The following ABCC4 variants were observed in gnomAD, a reference collection of about 807,000 sequenced individuals.
ABCC4 encodes the protein ATP binding cassette subfamily C member 4 (PEL blood group), also known as ATP-binding cassette sub-family C member 4.
In ABCC4, 102 loss-of-function variants were observed where a neutral mutation model predicts 168.5. That is an observed-to-expected ratio of 0.61 (90% confidence interval 0.52 to 0.71). The LOEUF is 0.71. ABCC4 is among the 30% of genes least tolerant of loss of function. The probability of loss-of-function intolerance (pLI) is 0.00; values close to 1 mark genes in which losing one functional copy is unlikely to be tolerated. For synonymous variants in ABCC4, 617 were observed against 590.7 expected (o/e 1.04, Z -0.65); for missense variants, 1,402 against 1,605.8 (o/e 0.87, Z 2.17).
At chr13:95,163,256 G>A (rs1342744963) in intron 17 of ABCC4, 40 bp from the exon 18 acceptor site, 1 of 1,324,736 alleles carries the variant, frequency 7.5e-7, no homozygotes, top group East Asian at 2.3e-5. Flanking sequence ...AGCTATATAT[G>A]AAATTTAGAT....
intron 9 of ABCC4, among the ~76,000 whole-genome samples, chr13:95,189,484 C>T (rs375596484): frequency 7.0e-4 from 107 of 152,232 alleles, no homozygotes; most frequent in African/African-American, 2.4e-3. Context: ...CATTCTGTCC[C>T]TTGGTTTTAA....
intron 19 of ABCC4, among the ~76,000 whole-genome samples, chr13:95,131,270 G>A (rs1208535556): frequency 6.6e-6 from 1 of 152,150 alleles, no homozygotes; most frequent in Admixed American, 6.5e-5. Flanking sequence ...AAGGAAAGGC[G>A]ACAAGAGGGG....
At chr13:95,168,894 C>T (rs1339066026) in intron 14 of ABCC4, among the ~76,000 whole-genome samples, 1 of 152,146 alleles carries the variant, frequency 6.6e-6, no homozygotes, top group Non-Finnish European at 1.5e-5. Flanking sequence ...GTGAATGTGG[C>T]CTTTTTTTTC....
At chr13:95,292,672 T>G (rs548841287) in intron 1 of ABCC4, among the ~76,000 whole-genome samples, 1 of 152,216 alleles carries the variant, frequency 6.6e-6, no homozygotes, top group Non-Finnish European at 1.5e-5. Flanking sequence ...ATTTCCCCAC[T>G]GCCCAGTATC....
chr13:95,112,663 T>A, intron 20 of ABCC4, among the ~76,000 whole-genome samples: 1 of 152,184 alleles, frequency 6.6e-6, no homozygotes, highest in East Asian at 1.9e-4. Context: ...AAGGGTAACA[T>A]CTTGACAAAG....
intron 1 of ABCC4, among the ~76,000 whole-genome samples, chr13:95,284,886 T>C (rs1163289825): frequency 6.6e-6 from 1 of 151,296 alleles, no homozygotes; most frequent in Non-Finnish European, 1.5e-5. Flanking sequence ...TAATATTTAT[T>C]GGTAAGGTAC....
chr13:95,257,392 C>T (rs929143968), intron 1 of ABCC4, among the ~76,000 whole-genome samples: 10 of 152,126 alleles, frequency 6.6e-5, no homozygotes, highest in African/African-American at 2.4e-4. Flanking sequence ...GCACGTAGGC[C>T]GGGCGCAGCA....
At chr13:95,024,203 T>C (rs1392569702) in intron 30 of ABCC4, among the ~76,000 whole-genome samples, 1 of 82,478 alleles carries the variant, frequency 1.2e-5, no homozygotes, top group Non-Finnish European at 2.4e-5. Flanking sequence ...TGAGAGACTG[T>C]CTCAAAAAAA....
chr13:95,275,017 C>T (rs6492774), intron 1 of ABCC4, among the ~76,000 whole-genome samples: 149,996 of 152,164 alleles, frequency 0.99, 73,969 homozygotes, highest in Middle Eastern at 1. Flanking sequence ...GCAGAGGTTG[C>T]AGTGAGCCGA....
intron 8 of ABCC4, among the ~76,000 whole-genome samples, chr13:95,202,758 C>T (rs2038667307): frequency 6.7e-6 from 1 of 148,706 alleles, no homozygotes; most frequent in Non-Finnish European, 1.5e-5. Flanking sequence ...AAGCAATTCT[C>T]GTGCCTTGGC....
At chr13:95,190,204 A>G (rs1406593419) in intron 9 of ABCC4, among the ~76,000 whole-genome samples, 6 of 152,040 alleles carry the variant, frequency 3.9e-5, no homozygotes, top group Admixed American at 2.6e-4. Context: ...TCAGCCAGGC[A>G]TGGTGTGTGC....
intron 26 of ABCC4, among the ~76,000 whole-genome samples, chr13:95,059,903 A>C (rs2033220934): frequency 6.6e-6 from 1 of 152,182 alleles, no homozygotes; most frequent in Non-Finnish European, 1.5e-5. Flanking sequence ...GTAAGTTAGT[A>C]ATTACTAGGT....
chr13:95,021,738 C>T (rs958641695), intron 30 of ABCC4, 56 bp from the exon 31 acceptor site: 24 of 1,240,034 alleles, frequency 1.9e-5, no homozygotes, highest in Non-Finnish European at 2.7e-5. Flanking sequence ...AAAGTCTCCT[C>T]CCTGAAACAA....
At position 95,107,477 on chromosome 13, in the gene ABCC4, G is replaced by A. The variant is rs544930190; in HGVS notation, c.2535+8445C>T. ...ATATTAGTACAATGTACAATCACCA[G>A]TTGTTACAAAGTTTTAATGTAAAGT... is the stretch of plus-strand genomic sequence containing the variant. On this transcript the variant is annotated intron_variant, in intron 20 of 30. Coordinates refer to ENST00000645237, the MANE Select transcript of ABCC4 (RefSeq NM_005845.5). Among the ~76,000 whole-genome samples, 9 of 152,270 alleles carry A rather than the reference G, an allele frequency of 5.9e-5. No individual in the cohort carries two copies. The South Asian group carries it at 1.7e-3, about 28-fold the overall frequency.
At chr13:95,253,421 T>G (rs2040316667) in intron 1 of ABCC4, among the ~76,000 whole-genome samples, 1 of 151,996 alleles carries the variant, frequency 6.6e-6, no homozygotes, top group African/African-American at 2.4e-5. Flanking sequence ...GCACCTAGAT[T>G]TGTCACATGA....
intron 1 of ABCC4, among the ~76,000 whole-genome samples, chr13:95,279,273 G>A (rs779590919): frequency 1.1e-4 from 16 of 152,160 alleles, no homozygotes; most frequent in African/African-American, 1.7e-4. Flanking sequence ...CTGCTAAAGC[G>A]CTTCGCATGT....
chr13:95,081,380 G>A (rs1352423914), intron 21 of ABCC4, among the ~76,000 whole-genome samples: 1 of 152,082 alleles, frequency 6.6e-6, no homozygotes, highest in Non-Finnish European at 1.5e-5. Context: ...CTTAAAACAA[G>A]ACTCTCGAAT....
At chr13:95,089,516 G>A (rs1202200904) in intron 20 of ABCC4, among the ~76,000 whole-genome samples, 4 of 152,180 alleles carry the variant, frequency 2.6e-5, no homozygotes, top group Admixed American at 2.0e-4. Flanking sequence ...TACTTGGGAG[G>A]CTGAGGCAGG....
At position 95,204,542 on chromosome 13, in the gene ABCC4, C is replaced by A. The variant is rs1418580141; in HGVS notation, c.1161+1990G>T. On this transcript the variant is annotated intron_variant, in intron 8 of 30. Coordinates refer to ENST00000645237, the MANE Select transcript of ABCC4 (RefSeq NM_005845.5). ...CTGCTTGCACTTCTCCTTCCTGCCA[C>A]CCTGTGAAGAAAGTGCCTGCTTCCC... Among the ~76,000 whole-genome samples the A allele has an allele frequency of 2.6e-5, 4 of 152,154 alleles. No homozygotes were observed. In the East Asian group the frequency reaches 7.7e-4, roughly 29 times the overall value.
Sources: gnomAD v4.1 joint callset for allele counts (sites outside exome capture counted in the v4.1 genomes callset) on GRCh38, gnomAD v4.1.1 for gene constraint, MANE v1.5 for transcripts, NCBI Gene and HGNC (gene_info 2026-07-23, HGNC 2026-07-21) for gene names.